SLC7A2: variants seen among roughly 807,000 people sequenced by gnomAD.
SLC7A2 encodes the protein cationic amino acid transporter 2.
SLC7A2 carries 48 observed loss-of-function variants against 58.9 expected under a neutral mutation model. That is an observed-to-expected ratio of 0.82 (90% confidence interval 0.65 to 1.04). The LOEUF (loss-of-function observed/expected upper bound fraction) is 1.04, where lower values mean the gene tolerates loss of function less well. SLC7A2 is among the 50% of genes least tolerant of loss of function. The pLI, the probability that SLC7A2 is intolerant of heterozygous loss-of-function variation, is 0.00. For synonymous variants in SLC7A2, 363 were observed against 314.5 expected (o/e 1.15, Z -1.63); for missense variants, 1,029 against 818.8 (o/e 1.26, Z -3.13).
At chr8:17,510,958 G>A (rs1800579566) in intron 2 of SLC7A2, 1 of 152,184 alleles carries the variant, frequency 6.6e-6, no homozygotes, top group Non-Finnish European at 1.5e-5. Flanking sequence ...CAGGAACGTG[G>A]ATGAAGCTGG....
chr8:17,532,353 C>G (rs963202851), intron 2 of SLC7A2, among the ~76,000 whole-genome samples: 6 of 151,778 alleles, frequency 4.0e-5, no homozygotes, highest in African/African-American at 1.5e-4. Flanking sequence ...GACCCCAATC[C>G]CAGTGTGAGC....
intron 2 of SLC7A2, among the ~76,000 whole-genome samples, chr8:17,534,701 A>C (rs1801591006): frequency 6.6e-6 from 1 of 151,820 alleles, no homozygotes; most frequent in Non-Finnish European, 1.5e-5. Context: ...ATGGAAAAAA[A>C]AAAAAAAAAA....
intron 2 of SLC7A2, among the ~76,000 whole-genome samples, chr8:17,542,592 A>G (rs1249016711): frequency 1.3e-5 from 2 of 151,956 alleles, no homozygotes; most frequent in Admixed American, 6.6e-5. Flanking sequence ...TTGAGGCTTC[A>G]GTGAGCTATG....
intron 2 of SLC7A2, among the ~76,000 whole-genome samples, chr8:17,507,388 G>C (rs983414910): frequency 6.6e-6 from 1 of 151,970 alleles, no homozygotes; most frequent in South Asian, 2.1e-4. Context: ...TATTATTTTT[G>C]TGTGTGTGGA....
chr8:17,516,674 C>G (rs890712928), intron 2 of SLC7A2, among the ~76,000 whole-genome samples: 1 of 152,206 alleles, frequency 6.6e-6, no homozygotes, highest in Non-Finnish European at 1.5e-5. Flanking sequence ...TACCTGAACA[C>G]CTGCAGTTTC....
rs543493040 is a variant in SLC7A2, at chr8:17,533,382, T to A, written c.-22-9936T>A. On this transcript the variant is annotated intron_variant, in intron 2 of 12. Transcript: ENST00000494857. ...CAAAACCATAAATCTCAACTCAGTTTCCCTCTAAATTTCTTGAACTTGAAC... is the reference window on the plus strand; with the variant it reads ...CAAAACCATAAATCTCAACTCAGTTACCCTCTAAATTTCTTGAACTTGAAC... Among the ~76,000 whole-genome samples, 19 of 152,364 alleles carry A rather than the reference T, an allele frequency of 1.2e-4. No individual in the cohort carries two copies. The South Asian group carries it at 3.7e-3, about 30-fold the overall frequency.
chr8:17,550,472 TC>T, intron 6 of SLC7A2, 38 bp downstream of exon 6: 3 of 1,597,042 alleles, frequency 1.9e-6, no homozygotes, highest in Non-Finnish European at 2.6e-6. Flanking sequence ...GAAGGAGTGT[TC>T]CTTGTTGTGC....
intron 4 of SLC7A2, 108 bp downstream of exon 4, chr8:17,544,714 A>G (rs1168126110): frequency 7.0e-6 from 6 of 861,078 alleles, no homozygotes; most frequent in Non-Finnish European, 1.1e-5. Context: ...AGATTAGTAT[A>G]TTTACACATT....
Position 17,560,520 on chromosome 8 carries a change from G to C in SLC7A2, c.1491G>C (p.Leu497=). ...AGTCAGCTTCTCTCGTGAGCTTTCT[G>C]GTAGGATTCCTAGGTAAGTCTTCTT... ...TQQSASLVSF[L]VGFLAFLVLG... is the part of the protein sequence containing the mutation. Residue 497 remains leucine, a synonymous_variant, in exon 10 of 13, where the codon CTG becomes CTC. Coordinates refer to ENST00000494857, the MANE Select transcript of SLC7A2 (RefSeq NM_001370338.1). 1 of 1,613,558 alleles carries C rather than the reference G, an allele frequency of 6.2e-7. No individual in the cohort carries two copies. Among genetic ancestry groups the C allele is most frequent in the Non-Finnish European group, 8.5e-7 (1 of 1,179,642 alleles).
At chr8:17,539,041 C>G in intron 2 of SLC7A2, 3 of 827,914 alleles carry the variant, frequency 3.6e-6, no homozygotes, top group Non-Finnish European at 5.8e-6. Context: ...CAACTTCAAA[C>G]TTTTGAACTA....
chr8:17,508,813 T>C lies in SLC7A2; in HGVS notation c.-23+6511T>C, dbSNP rs185973737. Among the ~76,000 whole-genome samples, 366 of 152,272 alleles carry C rather than the reference T, an allele frequency of 2.4e-3. 3 individuals are homozygous for C. The Middle Eastern group carries it at 0.031, about 13-fold the overall frequency. ...ATTTATCTCACCGAACCACTAGTAA[T>C]GGTAGTATGTTAATATATTAGTTTT... On this transcript the variant is annotated intron_variant, in intron 2 of 12. Coordinates refer to ENST00000494857, the MANE Select transcript of SLC7A2 (RefSeq NM_001370338.1).
chr8:17,506,849 A>G (rs1351636283), intron 2 of SLC7A2, among the ~76,000 whole-genome samples: 4 of 151,966 alleles, frequency 2.6e-5, no homozygotes, highest in East Asian at 3.9e-4. Flanking sequence ...AGCTAGGGGT[A>G]GAGTGAAGAC....
At chr8:17,523,279 A>T (rs1009825971) in intron 2 of SLC7A2, among the ~76,000 whole-genome samples, 4 of 152,184 alleles carry the variant, frequency 2.6e-5, no homozygotes, top group African/African-American at 9.6e-5. Context: ...CAATCCTAAT[A>T]GAACCAAAAA....
At chr8:17,514,904 A>G (rs1007499480) in intron 2 of SLC7A2, among the ~76,000 whole-genome samples, 1 of 152,152 alleles carries the variant, frequency 6.6e-6, no homozygotes, top group Non-Finnish European at 1.5e-5. Flanking sequence ...CTGGTATTTG[A>G]TACTGTTATT....
At position 17,549,572 on chromosome 8, in the gene SLC7A2, T is replaced by A. The variant is rs749358782; in HGVS notation, c.698+729T>A. Among the ~76,000 whole-genome samples the A allele has an allele frequency of 2.6e-5, 4 of 152,212 alleles. 1 individual carries two copies. The South Asian group carries it at 6.2e-4, about 24-fold the overall frequency. The stretch of plus-strand genomic sequence containing the variant: ...ATTTTTGAGTCCTGCATCCTTTAGT[T>A]CTTCCTTCAGGACCACCATTCAGTT... On this transcript the variant is annotated intron_variant, in intron 5 of 12. Transcript: ENST00000494857.
intron 2 of SLC7A2, among the ~76,000 whole-genome samples, chr8:17,519,257 T>C (rs1329651930): frequency 6.6e-6 from 1 of 152,170 alleles, no homozygotes; most frequent in Non-Finnish European, 1.5e-5. Flanking sequence ...TAGGTTTATA[T>C]ATGTAATACA....
chr8:17,511,126 G>A (rs978737355), intron 2 of SLC7A2: 1 of 152,076 alleles, frequency 6.6e-6, no homozygotes, highest in African/African-American at 2.4e-5. Flanking sequence ...GGGAGGGAGA[G>A]CATTAGCACA....
At position 17,558,328 on chromosome 8, in the gene SLC7A2, T is replaced by C. The variant is rs1316101125; in HGVS notation, c.1229T>C (p.Leu410Pro). 6 of 1,613,520 alleles carry C rather than the reference T, an allele frequency of 3.7e-6. No homozygotes were observed. The highest frequency in any genetic ancestry group is 5.1e-6 in the Non-Finnish European group (6 of 1,179,690). Reference protein sequence around the residue: ...LMAFLFDLKALVDMMSIGTLM... With the variant: ...LMAFLFDLKAPVDMMSIGTLM... ...GCCTTTCTGTTTGACCTGAAGGCGC[T>C]TGTGGACATGATGTCCATTGGCACA... Residue 410 changes from leucine (L) to proline (P), a missense_variant, in exon 9 of 13, where the codon CTT becomes CCT. Physicochemically the swap from Leu to Pro is moderately conservative, Grantham distance 98. Transcript: ENST00000494857.
chr8:17,528,298 C>CAAATATATAGGGT, intron 2 of SLC7A2, among the ~76,000 whole-genome samples: 1 of 151,944 alleles, frequency 6.6e-6, no homozygotes, highest in South Asian at 2.1e-4. Context: ...TTATATTTGC[C>CAAATATATAGGGT]TCCCTACATC....
Sources: allele counts gnomAD v4.1 joint callset (sites outside exome capture counted in the v4.1 genomes callset), GRCh38; gene constraint gnomAD v4.1.1; transcripts MANE v1.5; gene names NCBI Gene and HGNC (gene_info 2026-07-23, HGNC 2026-07-21).